Variants in STXBP4 observed in about 807,000 individuals in gnomAD.
STXBP4 encodes syntaxin-binding protein 4.
STXBP4 carries 55 observed loss-of-function variants against 76.1 expected under a neutral mutation model. The observed-to-expected ratio is 0.72, with a 90% CI of 0.58 to 0.91. The LOEUF (loss-of-function observed/expected upper bound fraction) is 0.91, where lower values mean the gene tolerates loss of function less well. STXBP4 is among the 40% of genes least tolerant of loss of function. The pLI is 0.00. For missense variants in STXBP4, 618 were observed against 636.9 expected, an observed-to-expected ratio of 0.97 and a Z score of 0.32; for synonymous variants, 201 against 220.2, an observed-to-expected ratio of 0.91 and a Z score of 0.77.
chr17:55,139,198 A>G (rs1319513745), intron 16 of STXBP4, among the ~76,000 whole-genome samples: 29 of 152,178 alleles, frequency 1.9e-4, no homozygotes, highest in Admixed American at 1.9e-3. Flanking sequence ...TAATCAAGGC[A>G]GAAATTCTAT....
At chr17:55,006,561 G>A (rs1038710628) in intron 7 of STXBP4, among the ~76,000 whole-genome samples, 1 of 152,078 alleles carries the variant, frequency 6.6e-6, no homozygotes, top group Non-Finnish European at 1.5e-5. Flanking sequence ...TTCAAGTTCT[G>A]GTCTTTTGTA....
chr17:55,151,832 T>C (rs1359284670), intron 17 of STXBP4, among the ~76,000 whole-genome samples: 1 of 152,190 alleles, frequency 6.6e-6, no homozygotes, highest in East Asian at 1.9e-4. Context: ...TTTGAGTAGG[T>C]TGACATATAA....
intron 16 of STXBP4, among the ~76,000 whole-genome samples, chr17:55,135,379 A>G (rs1474096126): frequency 6.6e-6 from 1 of 152,088 alleles, no homozygotes; most frequent in Non-Finnish European, 1.5e-5. Flanking sequence ...TTTTTCCTCA[A>G]ACAACAATGA....
intron 16 of STXBP4, among the ~76,000 whole-genome samples, chr17:55,130,001 A>C (rs990380471): frequency 1.3e-5 from 2 of 152,198 alleles, no homozygotes; most frequent in Non-Finnish European, 2.9e-5. Context: ...AAAGGACTCT[A>C]TGTGTCGCCA....
chr17:55,067,634 A>G (rs1483088121), intron 12 of STXBP4, among the ~76,000 whole-genome samples: 1 of 152,190 alleles, frequency 6.6e-6, no homozygotes, highest in African/African-American at 2.4e-5. Flanking sequence ...CCATGTTGTT[A>G]GGTTTGTTAC....
the STXBP4 span, among the ~76,000 whole-genome samples, chr17:55,190,752 T>C: frequency 6.6e-6 from 1 of 152,158 alleles, no homozygotes; most frequent in African/African-American, 2.4e-5. Flanking sequence ...ACTGTGTATA[T>C]AAGTGAGACC....
At chr17:55,033,073 A>G (rs576437734) in intron 9 of STXBP4, among the ~76,000 whole-genome samples, 44 of 152,154 alleles carry the variant, frequency 2.9e-4, no homozygotes, top group Non-Finnish European at 4.9e-4. Flanking sequence ...AGAAGCACAG[A>G]AGAGAATTTC....
downstream of STXBP4, among the ~76,000 whole-genome samples, chr17:55,177,347 C>A (rs150822130): frequency 6.6e-6 from 1 of 152,180 alleles, no homozygotes; most frequent in Admixed American, 6.5e-5. Context: ...CTAAGCCTAG[C>A]GCCCTCACCT....
chr17:55,189,785 A>G, the STXBP4 span, among the ~76,000 whole-genome samples: 1 of 152,204 alleles, frequency 6.6e-6, no homozygotes, highest in African/African-American at 2.4e-5. Context: ...AGAGTCATCT[A>G]TGTGCTACCC....
At chr17:55,123,536 G>T (rs2079870550) in intron 16 of STXBP4, among the ~76,000 whole-genome samples, 1 of 152,104 alleles carries the variant, frequency 6.6e-6, no homozygotes, top group African/African-American at 2.4e-5. Flanking sequence ...TAAATATTGT[G>T]TTCTAACGTT....
chr17:55,014,573 C>T (rs930749176), intron 8 of STXBP4, among the ~76,000 whole-genome samples: 1 of 152,086 alleles, frequency 6.6e-6, no homozygotes, highest in Admixed American at 6.5e-5. Flanking sequence ...GACAGTTAAC[C>T]TCCTGGCCCT....
intron 10 of STXBP4, among the ~76,000 whole-genome samples, chr17:55,037,212 A>G (rs1175065810): frequency 6.6e-6 from 1 of 152,150 alleles, no homozygotes; most frequent in African/African-American, 2.4e-5. Context: ...GGTGTTGTGT[A>G]TTAATCTACC....
At position 55,067,442 on chromosome 17, in the gene STXBP4, T is replaced by C. The variant is rs201588196; in HGVS notation, c.1012-5458T>C. ...GTGAAAAATATATATACCTAGAGGA[T>C]TAATGTGACCCAAAGTGTCTTGGAA... On this transcript the variant is annotated intron_variant, in intron 12 of 17. Transcript: ENST00000376352. 3.5e-3 allele frequency among the ~76,000 whole-genome samples: 529 copies of C among 152,188 alleles called. 1 individual carries two copies. The highest frequency in any genetic ancestry group is 6.8e-3 in the Middle Eastern group (2 of 294).
chr17:55,197,641 G>A, the STXBP4 span, among the ~76,000 whole-genome samples: 4 of 152,136 alleles, frequency 2.6e-5, no homozygotes, highest in South Asian at 8.3e-4. Flanking sequence ...TACTCGGGAG[G>A]CTGAGGCAGG....
At chr17:55,101,558 A>C (rs2079566395) in intron 16 of STXBP4, among the ~76,000 whole-genome samples, 1 of 152,194 alleles carries the variant, frequency 6.6e-6, no homozygotes, top group Non-Finnish European at 1.5e-5. Context: ...GTTGATACTC[A>C]ATGATTAATG....
intron 16 of STXBP4, among the ~76,000 whole-genome samples, chr17:55,128,758 G>A (rs935870228): frequency 1.3e-5 from 2 of 151,896 alleles, no homozygotes. Flanking sequence ...TGGGATTACA[G>A]GCACCTGCCA....
intron 16 of STXBP4, among the ~76,000 whole-genome samples, chr17:55,101,692 T>C (rs964376920): frequency 4.6e-5 from 7 of 152,236 alleles, no homozygotes; most frequent in Admixed American, 4.6e-4. Context: ...GATATTTATT[T>C]ATGTACAAGG....
At chr17:55,187,578 C>G in the STXBP4 span, among the ~76,000 whole-genome samples, 2 of 152,130 alleles carry the variant, frequency 1.3e-5, no homozygotes, top group Non-Finnish European at 2.9e-5. Flanking sequence ...GCCCAGTGTT[C>G]CTCTCCAAAT....
chr17:55,118,930 G>A (rs244348), intron 16 of STXBP4, among the ~76,000 whole-genome samples: 40,470 of 148,854 alleles, frequency 0.27, 5,689 homozygotes, highest in African/African-American at 0.32. Flanking sequence ...AGTGGAAGCT[G>A]TATTAACTGA....
Sources: allele counts gnomAD v4.1 joint callset (sites outside exome capture counted in the v4.1 genomes callset), GRCh38; gene constraint gnomAD v4.1.1; transcripts MANE v1.5; gene names NCBI Gene and HGNC (gene_info 2026-07-23, HGNC 2026-07-21).